The following EEF2K variants were observed in gnomAD, a reference collection of about 807,000 sequenced individuals.
The protein encoded by EEF2K is alternative protein EEF2K.
EEF2K carries 70 observed loss-of-function variants against 93.8 expected under a neutral mutation model. The observed-to-expected ratio is 0.75, with a 90% CI of 0.62 to 0.91. The LOEUF (loss-of-function observed/expected upper bound fraction) is 0.91. Ranked by LOEUF, EEF2K falls within the 40% of genes least tolerant of loss-of-function variation. The pLI, the probability that EEF2K is intolerant of heterozygous loss-of-function variation, is 0.00. For missense variants in EEF2K, 935 were observed against 972.9 expected (o/e 0.96, Z 0.52); for synonymous variants, 376 against 380.8 (o/e 0.99, Z 0.15).
At chr16:22,271,699 T>C (rs1383544569) in intron 15 of EEF2K, among the ~76,000 whole-genome samples, 1 of 151,378 alleles carries the variant, frequency 6.6e-6, no homozygotes, top group African/African-American at 2.4e-5. Flanking sequence ...ATCAAGACCC[T>C]GTCTCAAAAA....
intron 3 of EEF2K, among the ~76,000 whole-genome samples, chr16:22,246,263 T>A (rs756297292): frequency 6.6e-6 from 1 of 152,146 alleles, no homozygotes; most frequent in Non-Finnish European, 1.5e-5. Flanking sequence ...GGCTCATGCC[T>A]GTAATCCCAG....
intron 2 of EEF2K, among the ~76,000 whole-genome samples, chr16:22,230,767 G>A (rs973878697): frequency 2.0e-5 from 3 of 152,116 alleles, no homozygotes; most frequent in African/African-American, 7.2e-5. Flanking sequence ...GATTCTATGT[G>A]ATTTGACCTT....
At chr16:22,250,415 C>T (rs1380827372) in intron 4 of EEF2K, among the ~76,000 whole-genome samples, 1 of 152,136 alleles carries the variant, frequency 6.6e-6, no homozygotes, top group African/African-American at 2.4e-5. Flanking sequence ...CCCGTGGATT[C>T]TTCCCCTCAG....
intron 17 of EEF2K, among the ~76,000 whole-genome samples, chr16:22,283,051 G>A (rs1378981238): frequency 6.6e-6 from 1 of 152,164 alleles, no homozygotes; most frequent in Non-Finnish European, 1.5e-5. Context: ...GCTCGCGCCT[G>A]TAATCCCAGC....
chr16:22,265,290 A>T (rs964159796), intron 13 of EEF2K: 1 of 172,448 alleles, frequency 5.8e-6, no homozygotes, highest in East Asian at 1.6e-4. Flanking sequence ...CCTCGCTTGT[A>T]TGTCTAACAA....
At chr16:22,252,074 G>A (rs149302611) in intron 6 of EEF2K, among the ~76,000 whole-genome samples, 6 of 152,298 alleles carry the variant, frequency 3.9e-5, no homozygotes, top group East Asian at 1.9e-4. Flanking sequence ...GATTACAGGC[G>A]TGAGCCATTG....
chr16:22,252,019 C>G (rs965467659), intron 6 of EEF2K, among the ~76,000 whole-genome samples: 7 of 152,018 alleles, frequency 4.6e-5, no homozygotes, highest in Non-Finnish European at 1.0e-4. Context: ...GTTTCAAACT[C>G]CTGGCCTCAA....
At chr16:22,227,752 T>G (rs1331422958) in intron 2 of EEF2K, among the ~76,000 whole-genome samples, 1 of 152,096 alleles carries the variant, frequency 6.6e-6, no homozygotes, top group Non-Finnish European at 1.5e-5. Context: ...TTAGTTACTT[T>G]GATAGAAACT....
chr16:22,226,610 G>A (rs2047067570), intron 2 of EEF2K, among the ~76,000 whole-genome samples: 1 of 147,678 alleles, frequency 6.8e-6, no homozygotes, highest in Non-Finnish European at 1.5e-5. Context: ...TGAATTCCTA[G>A]GCTCAAGCAA....
chr16:22,264,562 C>T (rs1337577704), intron 12 of EEF2K, among the ~76,000 whole-genome samples: 3 of 152,180 alleles, frequency 2.0e-5, no homozygotes, highest in Admixed American at 2.0e-4. Flanking sequence ...GTCAGTTCCA[C>T]CTGCTCACAC....
chr16:22,256,755 T>C lies in EEF2K; in HGVS notation c.626T>C (p.Ile209Thr). ...CACTCCCCATCCCACCAGGTGGACA[T>C]CATGCAGATGTGCATCATCGAGCTG... is the stretch of plus-strand genomic sequence containing the variant. ...NRHKPPKQVD[I>T]MQMCIIELKD... The change falls in exon 7 of 18, where the codon ATC (isoleucine) becomes ACC (threonine). Residue 209 changes from isoleucine (I) to threonine (T), a missense_variant. Coordinates refer to ENST00000263026, the MANE Select transcript of EEF2K (RefSeq NM_013302.5). 1.2e-6 allele frequency: 2 copies of C among 1,613,828 alleles called. No individual in the cohort carries two copies. The highest frequency in any genetic ancestry group is 1.7e-6 in the Non-Finnish European group (2 of 1,179,928).
intron 1 of EEF2K, among the ~76,000 whole-genome samples, chr16:22,211,176 C>T (rs114273537): frequency 3.5e-4 from 54 of 152,310 alleles, no homozygotes; most frequent in African/African-American, 1.2e-3. Context: ...CTCCACCTTG[C>T]TCACTTTGCT....
intron 15 of EEF2K, among the ~76,000 whole-genome samples, chr16:22,270,123 CTT>C (rs879665459): frequency 6.9e-6 from 1 of 144,416 alleles, no homozygotes; most frequent in Non-Finnish European, 1.5e-5. Context: ...AACCCGGCTA[CTT>C]TTTTTTTTTT....
chr16:22,258,593 T>A lies in EEF2K; in HGVS notation c.1129T>A (p.Ser377Thr). ...CCGGCCACCCCTGCTCCGTCCCCTT[T>A]CAGAGAACTCTGGAGACGAGAACAT... Reference protein sequence around the residue: ...GSRPPLLRPLSENSGDENMSD... With the variant: ...GSRPPLLRPLTENSGDENMSD... Residue 377 changes from serine (S) to threonine (T), a missense_variant, in exon 10 of 18, where the codon TCA becomes ACA. Coordinates refer to ENST00000263026, the MANE Select transcript of EEF2K (RefSeq NM_013302.5). The A allele has an allele frequency of 6.2e-7, 1 of 1,614,112 alleles. No homozygotes were observed.
intron 15 of EEF2K, 28 bp from the exon 16 acceptor site, chr16:22,273,598 T>G: frequency 6.2e-7 from 1 of 1,612,304 alleles, no homozygotes; most frequent in Non-Finnish European, 8.5e-7. Flanking sequence ...TTCACTCTTC[T>G]TTCTCCCTCT....
At chr16:22,267,009 TC>T in intron 15 of EEF2K, 133 bp downstream of exon 15, 2 of 1,121,532 alleles carry the variant, frequency 1.8e-6, no homozygotes, top group South Asian at 1.6e-5. Flanking sequence ...CACAAAAATG[TC>T]CCAGGCACTG....
chr16:22,214,029 T>G (rs2046938067), intron 1 of EEF2K, among the ~76,000 whole-genome samples: 1 of 152,224 alleles, frequency 6.6e-6, no homozygotes, highest in Non-Finnish European at 1.5e-5. Flanking sequence ...GCAGACAGTC[T>G]GGCCTCAGGT....
At chr16:22,244,247 A>G (rs1043884558) in intron 2 of EEF2K, among the ~76,000 whole-genome samples, 16 of 140,776 alleles carry the variant, frequency 1.1e-4, no homozygotes, top group Admixed American at 6.4e-4. Flanking sequence ...TATATACGTT[A>G]TATTCTGTTT....
At position 22,206,353 on chromosome 16, in the gene EEF2K, G is replaced by C; in HGVS notation, c.-403G>C. 1 of 153,320 alleles carries C rather than the reference G, an allele frequency of 6.5e-6. No homozygotes were observed. Among genetic ancestry groups the C allele is most frequent in the Non-Finnish European group, 1.4e-5 (1 of 69,148 alleles). 9.5% of individuals were successfully genotyped at this position (153,320 alleles called of 1,614,324 possible). The stretch of plus-strand genomic sequence containing the variant: ...ATCGAGCGCCCGCACTCCCGGCCCT[G>C]CAGCCACCCGAGTCCCGCTCGCTGT... On this transcript the variant is annotated 5_prime_UTR_variant, in exon 1 of 18. Coordinates refer to ENST00000263026, the MANE Select transcript of EEF2K (RefSeq NM_013302.5).
Sources: gnomAD v4.1 joint callset for allele counts (sites outside exome capture counted in the v4.1 genomes callset) on GRCh38, gnomAD v4.1.1 for gene constraint, MANE v1.5 for transcripts, NCBI Gene and HGNC (gene_info 2026-07-23, HGNC 2026-07-21) for gene names.